KMT2E: variants seen among roughly 807,000 people sequenced by gnomAD.
KMT2E encodes the protein lysine methyltransferase 2E (inactive), also known as histone reader KMT2E.
A neutral mutation model predicts 184.6 loss-of-function variants in KMT2E; 30 were observed. That is an observed-to-expected ratio of 0.16 (90% CI 0.12 to 0.22). The LOEUF is 0.22. KMT2E is among the 10% of genes least tolerant of loss of function. The probability of loss-of-function intolerance (pLI) is 1.00; values close to 1 mark genes in which losing one functional copy is unlikely to be tolerated. For synonymous variants in KMT2E, 815 were observed against 776.5 expected (o/e 1.05, Z -0.82); for missense variants, 2,023 against 2,237.4 (o/e 0.90, Z 1.93).
intron 1 of KMT2E, among the ~76,000 whole-genome samples, chr7:105,025,154 CT>C (rs1795124027): frequency 6.6e-6 from 1 of 152,128 alleles, no homozygotes; most frequent in Non-Finnish European, 1.5e-5. Context: ...AACAGTACTT[CT>C]TTAGAAGCTG....
chr7:105,015,094 C>T (rs1794657329), intron 1 of KMT2E, among the ~76,000 whole-genome samples: 1 of 152,190 alleles, frequency 6.6e-6, no homozygotes, highest in African/African-American at 2.4e-5. Flanking sequence ...CTCATCCTCT[C>T]CTGGAGAGGG....
rs11330758 is a variant in KMT2E at position 105,096,247 on chromosome 7, C to CAAAAAAAAAAAA, written c.1722+4946_1722+4957dup. On this transcript the variant is annotated intron_variant, in intron 15 of 26. Transcript: ENST00000311117. ...CCAGCCTGGGTGACAGTGAAAGGCT[C>CAAAAAAAAAAAA]AAAAAAAAAAAAAAAAAAAAAAAAG... is the stretch of plus-strand genomic sequence containing the variant. Among the ~76,000 whole-genome samples, 2 of 69,268 alleles carry CAAAAAAAAAAAA rather than the reference C, an allele frequency of 2.9e-5. 1 individual carries two copies. The highest frequency in any genetic ancestry group is 1.1e-4 in the African/African-American group (2 of 17,982). 45.4% of individuals were successfully genotyped at this position (69,268 alleles called of 152,430 possible). A position where few individuals can be genotyped will look rare whatever the true frequency, so the allele number is the denominator to read the frequency against.
chr7:105,078,436 T>A (rs946694559), intron 11 of KMT2E, among the ~76,000 whole-genome samples: 1 of 152,206 alleles, frequency 6.6e-6, no homozygotes, highest in Admixed American at 6.5e-5. Flanking sequence ...TTTCTTAGAC[T>A]CTGTGTTCTT....
chr7:105,093,968 TTAAAATC>T (rs1798309509), intron 15 of KMT2E, among the ~76,000 whole-genome samples: 1 of 152,196 alleles, frequency 6.6e-6, no homozygotes, highest in Non-Finnish European at 1.5e-5. Context: ...GGATATGAAA[TTAAAATC>T]TAAAAATCCT....
intron 17 of KMT2E, 96 bp downstream of exon 17, chr7:105,102,290 AATAAG>A (rs1295608991): frequency 1.0e-6 from 1 of 977,302 alleles, no homozygotes; most frequent in African/African-American, 1.7e-5. Flanking sequence ...ACCTCATAAT[AATAAG>A]AGGCAGTTTT....
At chr7:105,030,856 T>C (rs1427976282) in intron 1 of KMT2E, among the ~76,000 whole-genome samples, 1 of 152,178 alleles carries the variant, frequency 6.6e-6, no homozygotes. Context: ...ATTGCCCAGG[T>C]CTGAGATAAT....
chr7:105,044,296 A>C (rs1426822540), intron 3 of KMT2E, among the ~76,000 whole-genome samples: 1 of 152,236 alleles, frequency 6.6e-6, no homozygotes, highest in African/African-American at 2.4e-5. Flanking sequence ...AATAATCAAC[A>C]GTCATAAATA....
At position 105,026,007 on chromosome 7, in the gene KMT2E, A is replaced by C. The variant is rs1001393737; in HGVS notation, c.-189+11472A>C. Among the ~76,000 whole-genome samples, 3 of 152,202 alleles carry C rather than the reference A, an allele frequency of 2.0e-5. No individual in the cohort carries two copies. The East Asian group carries it at 5.8e-4, about 29-fold the overall frequency. ...GTTTATGTAGGAACAAGAAACCAGA[A>C]TTCTAGTCAGGGGAGCTATACTCAA... On this transcript the variant is annotated intron_variant, in intron 1 of 26. Coordinates refer to ENST00000311117, the MANE Select transcript of KMT2E (RefSeq NM_182931.3).
Position 105,101,974 on chromosome 7 carries a change from C to G in KMT2E, c.1976C>G (p.Thr659Ser), listed in dbSNP as rs764806652. The change falls in exon 17 of 27, where the codon ACT becomes AGT. Residue 659 changes from threonine (T) to serine (S), a missense_variant. Coordinates refer to ENST00000311117, the MANE Select transcript of KMT2E (RefSeq NM_182931.3). ...KQRKSFSRSR[T>S]HIGQQRRRHR... The stretch of plus-strand genomic sequence containing the variant: ...AGAAAAAGTTTTTCTCGGAGTAGGA[C>G]TCACATTGGACAGCAGCGTCGGAGA... 6.2e-7 allele frequency: 1 copy of G among 1,613,926 alleles called. No homozygotes were observed.
chr7:105,107,128 T>C, intron 20 of KMT2E, 38 bp from the exon 21 acceptor site: 1 of 1,113,208 alleles, frequency 9.0e-7, no homozygotes, highest in Non-Finnish European at 1.3e-6. Context: ...ACTTACGTAT[T>C]TTTAAATTTT....
chr7:105,062,379 G>T (rs980882699), intron 4 of KMT2E, 101 bp downstream of exon 4: 3 of 665,750 alleles, frequency 4.5e-6, no homozygotes, highest in Non-Finnish European at 5.0e-6. Context: ...GAAAAGCATG[G>T]TTGTTTCATA....
At chr7:105,074,513 G>A (rs970672225) in intron 7 of KMT2E, 130 bp from the exon 8 acceptor site, 24 of 591,738 alleles carry the variant, frequency 4.1e-5, no homozygotes, top group Middle Eastern at 9.7e-4. Flanking sequence ...AGTGAGGTGA[G>A]TGAACAAGTT....
At chr7:105,024,984 A>T (rs936995252) in intron 1 of KMT2E, among the ~76,000 whole-genome samples, 1 of 152,130 alleles carries the variant, frequency 6.6e-6, no homozygotes, top group Non-Finnish European at 1.5e-5. Flanking sequence ...ACAAATTGGG[A>T]TCAAGTTGTG....
intron 13 of KMT2E, chr7:105,089,080 C>G: frequency 3.8e-6 from 1 of 265,398 alleles, no homozygotes; most frequent in Non-Finnish European, 7.6e-6. Context: ...TTGTGTAAAC[C>G]ACAGTATCAT....
At chr7:105,072,396 T>C (rs1439106059) in intron 6 of KMT2E, among the ~76,000 whole-genome samples, 1 of 152,198 alleles carries the variant, frequency 6.6e-6, no homozygotes, top group Non-Finnish European at 1.5e-5. Context: ...ATGTTTATTA[T>C]TCTGTGATAG....
chr7:105,058,924 A>C (rs2129566865), intron 3 of KMT2E, among the ~76,000 whole-genome samples: 1 of 152,310 alleles, frequency 6.6e-6, no homozygotes, highest in South Asian at 2.1e-4. Flanking sequence ...GACAGGCTAA[A>C]AGAAAAAAAG....
At position 105,014,254 on chromosome 7, in the gene KMT2E, C is replaced by T. The variant is rs1584674313; in HGVS notation, c.-470C>T. Reference sequence around the variant, plus strand: ...CGGGCGCAGGGGGCCGAGTCGGAGACCGTGCCGGAGTTCGGGAGCGGCAAC... The same window carrying T: ...CGGGCGCAGGGGGCCGAGTCGGAGATCGTGCCGGAGTTCGGGAGCGGCAAC... On this transcript the variant is annotated 5_prime_UTR_variant, in exon 1 of 27. Coordinates refer to ENST00000311117, the MANE Select transcript of KMT2E (RefSeq NM_182931.3). 1.7e-5 allele frequency: 3 copies of T among 177,928 alleles called. No homozygotes were observed. The highest frequency in any genetic ancestry group is 3.4e-4 in the East Asian group (2 of 5,968). The allele number at this position is 177,928 out of a possible 1,614,324, so 11.0% of individuals were successfully genotyped here.
intron 17 of KMT2E, 127 bp from the exon 18 acceptor site, chr7:105,105,312 T>G: frequency 1.5e-6 from 1 of 648,772 alleles, no homozygotes; most frequent in Non-Finnish European, 2.5e-6. Flanking sequence ...TTTGATCACA[T>G]ATGAATGATT....
chr7:105,112,840 A>G lies in KMT2E; in HGVS notation c.5084A>G (p.His1695Arg), dbSNP rs943776335. 1.7e-5 allele frequency: 20 copies of G among 1,149,750 alleles called. No homozygotes were observed. The highest frequency in any genetic ancestry group is 2.1e-5 in the Non-Finnish European group (19 of 908,740). The allele number at this position is 1,149,750 out of a possible 1,614,324, so 71.2% of individuals were successfully genotyped here. Residue 1695 changes from histidine (H) to arginine (R), a missense_variant, in exon 27 of 27, where the codon CAT becomes CGT. Around this residue, in one of 8 missense-constraint regions of KMT2E, gnomAD observed 1,108 missense variants for 1,050.9 expected, o/e 1.05. Transcript: ENST00000311117. Reference sequence around the variant, plus strand: ...GCCCCTCATCACCATCCACCACCCCATCCATCCACAGGACTCCAAGGTCTA... The same window carrying G: ...GCCCCTCATCACCATCCACCACCCCGTCCATCCACAGGACTCCAAGGTCTA... ...GPAPHHHPPP[H>R]PSTGLQGLQA...
Sources: gnomAD v4.1 joint callset for allele counts (sites outside exome capture counted in the v4.1 genomes callset) on GRCh38, gnomAD v4.1.1 for gene constraint, gnomAD v4.1.1 regional missense constraint, MANE v1.5 for transcripts, NCBI Gene and HGNC (gene_info 2026-07-23, HGNC 2026-07-21) for gene names.